SLC35F3: variants seen among roughly 807,000 people sequenced by gnomAD.
SLC35F3 encodes solute carrier family 35 member F3.
In SLC35F3, 25 loss-of-function variants were observed where a neutral mutation model predicts 49.9. The ratio of observed to expected loss-of-function variants is 0.50; its 90% CI spans 0.37 to 0.70. The LOEUF (loss-of-function observed/expected upper bound fraction) is 0.70. Among genes scored for constraint, SLC35F3 ranks in the 30% least tolerant of loss-of-function variants. The pLI, the probability that SLC35F3 is intolerant of heterozygous loss-of-function variation, is 0.00. For missense variants in SLC35F3, 525 were observed against 639.8 expected (o/e 0.82, Z 1.94); for synonymous variants, 275 against 265.4 (o/e 1.04, Z -0.35).
intron 3 of SLC35F3, among the ~76,000 whole-genome samples, chr1:234,286,857 C>G (rs1668429624): frequency 6.6e-6 from 1 of 152,014 alleles, no homozygotes. Context: ...TGCGTTAGTT[C>G]AAAAATAAAT....
intron 2 of SLC35F3, among the ~76,000 whole-genome samples, chr1:234,058,496 C>A (rs1477990949): frequency 6.6e-6 from 1 of 151,656 alleles, no homozygotes; most frequent in African/African-American, 2.4e-5. Context: ...AGGCATGCAC[C>A]ATTATGCTCA....
At chr1:234,053,903 C>G (rs1206531810) in intron 2 of SLC35F3, among the ~76,000 whole-genome samples, 1 of 152,138 alleles carries the variant, frequency 6.6e-6, no homozygotes. Context: ...AATTATGAAG[C>G]TTAGTTTGGC....
At chr1:234,116,353 C>T (rs1665485850) in intron 2 of SLC35F3, among the ~76,000 whole-genome samples, 1 of 152,068 alleles carries the variant, frequency 6.6e-6, no homozygotes, top group Non-Finnish European at 1.5e-5. Context: ...AGCTGTGTGC[C>T]AAGACTCAGT....
At chr1:234,282,263 G>C (rs910445605) in intron 3 of SLC35F3, among the ~76,000 whole-genome samples, 1 of 152,208 alleles carries the variant, frequency 6.6e-6, no homozygotes, top group East Asian at 1.9e-4. Context: ...GCCAGGACTA[G>C]AGTCTCCAGT....
chr1:234,228,245 C>T (rs778014180), intron 2 of SLC35F3, among the ~76,000 whole-genome samples: 4 of 152,202 alleles, frequency 2.6e-5, no homozygotes, highest in Non-Finnish European at 5.9e-5. Flanking sequence ...TGACCCTGAA[C>T]TTTGCTCCTA....
chr1:234,068,982 C>CTATATGTAATATATAAAATTATATAATTT lies in SLC35F3; in HGVS notation c.284-162433_284-162432insTATGTAATATATAAAATTATATAATTTTA, dbSNP rs1453850151. Among the ~76,000 whole-genome samples the CTATATGTAATATATAAAATTATATAATTT allele has an allele frequency of 5.1e-5, 5 of 97,516 alleles. No individual in the cohort carries two copies. The South Asian group carries it at 1.0e-3, about 20-fold the overall frequency. The allele number at this position is 97,516 out of a possible 152,430, so 64.0% of individuals were successfully genotyped here. A position where few individuals can be genotyped will look rare whatever the true frequency, so the allele number is the denominator to read the frequency against. ...TAATATATAAAATTATATAATTTTA[C>CTATATGTAATATATAAAATTATATAATTT]TACATATAATATATAAAATTATATA... On this transcript the variant is annotated intron_variant, in intron 2 of 7. Coordinates refer to ENST00000366618, the MANE Select transcript of SLC35F3 (RefSeq NM_173508.4).
chr1:234,017,859 C>T (rs1300321837), intron 2 of SLC35F3, among the ~76,000 whole-genome samples: 1 of 151,916 alleles, frequency 6.6e-6, no homozygotes, highest in Non-Finnish European at 1.5e-5. Context: ...GAACCCCTAG[C>T]CAACAGAACT....
intron 3 of SLC35F3, among the ~76,000 whole-genome samples, chr1:234,253,706 T>C (rs1667773708): frequency 1.3e-5 from 2 of 152,200 alleles, no homozygotes; most frequent in South Asian, 4.1e-4. Context: ...GGGTGTTCTC[T>C]GATGAGCTCA....
chr1:233,990,990 G>A (rs4364942), intron 2 of SLC35F3, among the ~76,000 whole-genome samples: 42,158 of 152,026 alleles, frequency 0.28, 6,091 homozygotes, highest in East Asian at 0.49. Context: ...CATCCTTTCA[G>A]AAGTGAGCAT....
chr1:234,181,075 T>A (rs977631641), intron 2 of SLC35F3, among the ~76,000 whole-genome samples: 1 of 152,132 alleles, frequency 6.6e-6, no homozygotes, highest in African/African-American at 2.4e-5. Context: ...GTGGCTGGAT[T>A]GTAATCCAGC....
intron 2 of SLC35F3, among the ~76,000 whole-genome samples, chr1:233,998,585 A>G (rs569724859): frequency 2.0e-4 from 31 of 151,490 alleles, no homozygotes; most frequent in South Asian, 4.2e-4. Context: ...AGATTATAAA[A>G]AAGCCCTATC....
chr1:233,921,312 A>T (rs1031043790), intron 2 of SLC35F3, among the ~76,000 whole-genome samples: 1 of 152,128 alleles, frequency 6.6e-6, no homozygotes, highest in African/African-American at 2.4e-5. Context: ...ACCCCGACAC[A>T]TGCACAGTCT....
At chr1:234,069,280 G>A (rs12123012) in intron 2 of SLC35F3, among the ~76,000 whole-genome samples, 45,941 of 139,536 alleles carry the variant, frequency 0.33, 9,041 homozygotes, top group Non-Finnish European at 0.45. Context: ...TTTTTTGAGA[G>A]GGAGTCTTGC....
chr1:234,323,609 C>A lies in SLC35F3; in HGVS notation c.*366C>A. On this transcript the variant is annotated 3_prime_UTR_variant, in exon 8 of 8. Transcript: ENST00000366618. The surrounding 1 kb of genome is among the most constrained non-coding windows in gnomAD (Gnocchi z 4.5). ...CTTAGCAACTGAACATGACATTGCA[C>A]ACTGTGATTATTTTTCAGCTATGGT... 4.3e-6 allele frequency: 1 copy of A among 234,356 alleles called. No individual in the cohort carries two copies. The highest frequency in any genetic ancestry group is 8.4e-6 in the Non-Finnish European group (1 of 119,314). The allele number at this position is 234,356 out of a possible 1,614,324, so 14.5% of individuals were successfully genotyped here.
At chr1:234,095,394 G>A (rs1203591389) in intron 2 of SLC35F3, among the ~76,000 whole-genome samples, 4 of 151,654 alleles carry the variant, frequency 2.6e-5, no homozygotes, top group Non-Finnish European at 4.4e-5. Flanking sequence ...AATGAACCAT[G>A]AGGTTCTGGC....
At chr1:234,091,777 T>C (rs948086423) in intron 2 of SLC35F3, among the ~76,000 whole-genome samples, 2 of 152,274 alleles carry the variant, frequency 1.3e-5, no homozygotes, top group African/African-American at 4.8e-5. Flanking sequence ...CATAGATTTC[T>C]GCACCTCTCT....
chr1:234,268,116 G>C (rs1046805787), intron 3 of SLC35F3, among the ~76,000 whole-genome samples: 1 of 152,002 alleles, frequency 6.6e-6, no homozygotes, highest in African/African-American at 2.4e-5. Flanking sequence ...CTGGGAGGTG[G>C]AGGTTGTAGC....
At chr1:234,155,010 C>T (rs528580472) in intron 2 of SLC35F3, among the ~76,000 whole-genome samples, 1 of 152,340 alleles carries the variant, frequency 6.6e-6, no homozygotes, top group Admixed American at 6.5e-5. Context: ...ATAACCTATG[C>T]ACATCCTCCA....
rs16842714 is a variant in SLC35F3, at chr1:234,180,567, T to C, written c.284-50850T>C. 3.7e-3 allele frequency among the ~76,000 whole-genome samples: 558 copies of C among 152,226 alleles called. 6 individuals carry two copies. The highest frequency in any genetic ancestry group is 0.034 in the East Asian group (178 of 5,166). ...ACTCCAGGCATCTGGTTAGGAGAGA[T>C]CATGTCGCTAAATTTAGAATTGTCA... On this transcript the variant is annotated intron_variant, in intron 2 of 7. Transcript: ENST00000366618.
Sources: gnomAD v4.1 joint callset for allele counts (sites outside exome capture counted in the v4.1 genomes callset) on GRCh38, gnomAD v4.1.1 for gene constraint, Gnocchi (gnomAD v3.1) non-coding constraint, MANE v1.5 for transcripts, NCBI Gene and HGNC (gene_info 2026-07-23, HGNC 2026-07-21) for gene names.